The following RAB22A variants were observed in gnomAD, a reference collection of about 807,000 sequenced individuals.
The protein encoded by RAB22A is RAB22A, member RAS oncogene family.
A neutral mutation model predicts 30.2 loss-of-function variants in RAB22A; 13 were observed. The observed-to-expected ratio is 0.43, with a 90% CI of 0.28 to 0.68. The LOEUF (loss-of-function observed/expected upper bound fraction) is 0.68. RAB22A is among the 30% of genes least tolerant of loss of function. RAB22A has a pLI of 0.18. For missense variants in RAB22A, 177 were observed against 246.8 expected, an observed-to-expected ratio of 0.72 and a Z score of 1.89; for synonymous variants, 89 against 87.2, an observed-to-expected ratio of 1.02 and a Z score of -0.11.
At chr20:58,325,537 A>G (rs1388609124) in intron 2 of RAB22A, among the ~76,000 whole-genome samples, 1 of 151,906 alleles carries the variant, frequency 6.6e-6, no homozygotes, top group East Asian at 1.9e-4. Flanking sequence ...TTTTTTATAG[A>G]TCATTTCATC....
rs1987102175 is a variant in RAB22A at position 58,354,453 on chromosome 20, C to T, written c.487+188C>T. ...CATGTTATAGTTGCTGAAGAGCTGC[C>T]GCCCTTCTGGAAAGAGTGTTGCTAC... On this transcript the variant is annotated intron_variant, in intron 6 of 6. Transcript: ENST00000244040. Among the ~76,000 whole-genome samples the T allele has an allele frequency of 3.3e-5, 5 of 152,194 alleles. No homozygotes were observed. The South Asian group carries it at 1.0e-3, about 32-fold the overall frequency.
chr20:58,323,635 C>CTT (rs1176858433), intron 2 of RAB22A, among the ~76,000 whole-genome samples: 1 of 106,116 alleles, frequency 9.4e-6, no homozygotes. Flanking sequence ...CTTTTTTTTT[C>CTT]TTTTTTTTTT....
intron 2 of RAB22A, among the ~76,000 whole-genome samples, chr20:58,328,534 T>A (rs1986607220): frequency 6.6e-6 from 1 of 152,166 alleles, no homozygotes; most frequent in Non-Finnish European, 1.5e-5. Context: ...TTCAAATTTT[T>A]AAAATGATGG....
chr20:58,351,762 G>A (rs552389322), intron 3 of RAB22A, among the ~76,000 whole-genome samples: 1 of 152,120 alleles, frequency 6.6e-6, no homozygotes, highest in Admixed American at 6.5e-5. Flanking sequence ...GCGGTGAGCC[G>A]AGATCACGCC....
At chr20:58,330,431 G>A (rs1292099128) in intron 2 of RAB22A, among the ~76,000 whole-genome samples, 1 of 151,544 alleles carries the variant, frequency 6.6e-6, no homozygotes, top group Non-Finnish European at 1.5e-5. Flanking sequence ...ATCATCTCAG[G>A]ATCTGTTACA....
chr20:58,314,670 G>A lies in RAB22A; in HGVS notation c.116+3548G>A, dbSNP rs375030461. ...AGCCTGGGCAACATGGTGAAACCCC[G>A]TCTCTACTAAAAATACAAAAATTAG... On this transcript the variant is annotated intron_variant, in intron 2 of 6. Coordinates refer to ENST00000244040, the MANE Select transcript of RAB22A (RefSeq NM_020673.3). 4.7e-4 allele frequency among the ~76,000 whole-genome samples: 71 copies of A among 152,036 alleles called. No homozygotes were observed. The South Asian group carries it at 7.9e-3, about 17-fold the overall frequency.
intron 2 of RAB22A, among the ~76,000 whole-genome samples, chr20:58,335,438 A>T (rs1224678118): frequency 6.6e-6 from 1 of 152,212 alleles, no homozygotes; most frequent in Non-Finnish European, 1.5e-5. Context: ...ACAGGAAAAA[A>T]GCCATCTTCA....
At chr20:58,350,904 T>G in intron 3 of RAB22A, among the ~76,000 whole-genome samples, 1 of 152,366 alleles carries the variant, frequency 6.6e-6, no homozygotes, top group South Asian at 2.1e-4. Flanking sequence ...TAACACTGGA[T>G]TGTATAGTTT....
At chr20:58,335,939 A>G (rs545129906) in intron 2 of RAB22A, among the ~76,000 whole-genome samples, 4 of 151,870 alleles carry the variant, frequency 2.6e-5, no homozygotes, top group South Asian at 2.1e-4. Context: ...TGCCCATCCT[A>G]TCTTTGTCCA....
chr20:58,338,429 T>G (rs1986798920), intron 2 of RAB22A, among the ~76,000 whole-genome samples: 2 of 152,214 alleles, frequency 1.3e-5, no homozygotes, highest in Non-Finnish European at 2.9e-5. Flanking sequence ...AGGATGACCA[T>G]GAACCTGTGG....
intron 2 of RAB22A, among the ~76,000 whole-genome samples, chr20:58,322,563 T>C (rs988809192): frequency 6.6e-6 from 1 of 152,260 alleles, no homozygotes; most frequent in Non-Finnish European, 1.5e-5. Context: ...ATGTTAATGA[T>C]TCCATTGTAT....
chr20:58,337,684 G>A (rs989668642), intron 2 of RAB22A, among the ~76,000 whole-genome samples: 2 of 152,180 alleles, frequency 1.3e-5, no homozygotes, highest in Admixed American at 1.3e-4. Flanking sequence ...GGTGTTTGAA[G>A]GAGTGAACAG....
intron 6 of RAB22A, among the ~76,000 whole-genome samples, chr20:58,359,038 G>C (rs1269009423): frequency 1.3e-5 from 2 of 152,182 alleles, no homozygotes; most frequent in African/African-American, 4.8e-5. Flanking sequence ...CTTGGAAAGG[G>C]GAGATGGGTA....
rs1253807616 is a variant in RAB22A at position 58,360,459 on chromosome 20, G to A, written c.*756G>A. The A allele has an allele frequency of 6.6e-6, 1 of 152,568 alleles. No homozygotes were observed. Among genetic ancestry groups the A allele is most frequent in the Non-Finnish European group, 1.5e-5 (1 of 68,032 alleles). 9.5% of individuals were successfully genotyped at this position (152,568 alleles called of 1,614,324 possible). ...AACTGAATTTCATATGTTCTAAAAT[G>A]ACTAGCAATGGTTTAAAAAGGAAGA... On this transcript the variant is annotated 3_prime_UTR_variant, in exon 7 of 7. Coordinates refer to ENST00000244040, the MANE Select transcript of RAB22A (RefSeq NM_020673.3).
At chr20:58,324,911 C>T (rs1986534051) in intron 2 of RAB22A, among the ~76,000 whole-genome samples, 1 of 138,318 alleles carries the variant, frequency 7.2e-6, no homozygotes, top group South Asian at 2.4e-4. Context: ...CCCGGTGGCT[C>T]ACACCTGTAA....
rs562362304 is a variant in RAB22A at position 58,309,914 on chromosome 20, G to A, written c.-63G>A. 1.0e-4 allele frequency: 124 copies of A among 1,245,640 alleles called. No individual in the cohort carries two copies. In the African/African-American group the frequency reaches 1.4e-3, roughly 14 times the overall value. The allele number at this position is 1,245,640 out of a possible 1,614,324, so 77.2% of individuals were successfully genotyped here. ...AGCGGCGCCAGGGGATGCTCTTGCT[G>A]GGCCTGGCCTCTCCCTTCTCAACTT... On this transcript the variant is annotated 5_prime_UTR_variant, in exon 1 of 7. Coordinates refer to ENST00000244040, the MANE Select transcript of RAB22A (RefSeq NM_020673.3).
At chr20:58,353,596 C>T in intron 5 of RAB22A, 58 bp downstream of exon 5, 1 of 1,335,388 alleles carries the variant, frequency 7.5e-7, no homozygotes, top group South Asian at 1.3e-5. Flanking sequence ...TCTTAATAAG[C>T]AATATCCAGT....
chr20:58,351,669 C>T (rs775632791), intron 3 of RAB22A, among the ~76,000 whole-genome samples: 3 of 152,116 alleles, frequency 2.0e-5, no homozygotes, highest in Non-Finnish European at 2.9e-5. Context: ...CAAAATTAGC[C>T]GGGCGTGGTA....
At chr20:58,357,113 G>A (rs1226236500) in intron 6 of RAB22A, among the ~76,000 whole-genome samples, 1 of 152,206 alleles carries the variant, frequency 6.6e-6, no homozygotes, top group African/African-American at 2.4e-5. Flanking sequence ...CAAAGTGGTA[G>A]TTGTACTAGT....
Sources: gnomAD v4.1 joint callset for allele counts (sites outside exome capture counted in the v4.1 genomes callset) on GRCh38, gnomAD v4.1.1 for gene constraint, MANE v1.5 for transcripts, NCBI Gene and HGNC (gene_info 2026-07-23, HGNC 2026-07-21) for gene names.